Variants in RBM6 observed in about 807,000 individuals in gnomAD.
RBM6 encodes RNA binding motif protein 6.
RBM6 carries 23 observed loss-of-function variants against 140.4 expected under a neutral mutation model. The ratio of observed to expected loss-of-function variants is 0.16; its 90% CI spans 0.12 to 0.23. The LOEUF (loss-of-function observed/expected upper bound fraction) is 0.23. RBM6 is among the 10% of genes least tolerant of loss of function. RBM6 has a pLI of 1.00. For synonymous variants in RBM6, 439 were observed against 475.6 expected (o/e 0.92, Z 1.00); for missense variants, 1,139 against 1,386.7 (o/e 0.82, Z 2.84).
chr3:49,981,079 T>A (rs1215464482), intron 5 of RBM6, among the ~76,000 whole-genome samples: 1 of 151,720 alleles, frequency 6.6e-6, no homozygotes, highest in Non-Finnish European at 1.5e-5. Flanking sequence ...ATTTTTTGTA[T>A]TTTTTAGTAG....
chr3:50,001,856 G>A (rs1466667920), intron 6 of RBM6, among the ~76,000 whole-genome samples: 1 of 152,200 alleles, frequency 6.6e-6, no homozygotes, highest in East Asian at 1.9e-4. Flanking sequence ...TGATAGCTGA[G>A]TGCTATAAAG....
chr3:50,051,571 G>A (rs994602839), intron 7 of RBM6, among the ~76,000 whole-genome samples: 1 of 152,234 alleles, frequency 6.6e-6, no homozygotes, highest in Non-Finnish European at 1.5e-5. Flanking sequence ...AACCTGGGAG[G>A]CAGAGGTTGC....
At chr3:50,069,106 A>G (rs1331126089) in intron 18 of RBM6, among the ~76,000 whole-genome samples, 1 of 152,196 alleles carries the variant, frequency 6.6e-6, no homozygotes, top group African/African-American at 2.4e-5. Context: ...ATTAAAGGCT[A>G]AGCTGGAGGA....
chr3:49,974,007 C>A lies in RBM6; in HGVS notation c.1414-1316C>A, dbSNP rs564258783. ...CCGCCTCTCGGGTTCAAATGGTTCT[C>A]CTGCCTCAGCCTCCTGAGTAGCTGG... is the stretch of plus-strand genomic sequence containing the variant. On this transcript the variant is annotated intron_variant, in intron 4 of 20. Coordinates refer to ENST00000266022, the MANE Select transcript of RBM6 (RefSeq NM_005777.3). 9.9e-5 allele frequency among the ~76,000 whole-genome samples: 15 copies of A among 152,146 alleles called. No homozygotes were observed. In the East Asian group the frequency reaches 1.7e-3, roughly 18 times the overall value.
At chr3:50,017,153 G>A (rs2087208124) in intron 6 of RBM6, among the ~76,000 whole-genome samples, 1 of 151,980 alleles carries the variant, frequency 6.6e-6, no homozygotes, top group African/African-American at 2.4e-5. Context: ...GTAATTCTCT[G>A]ATAATTATTG....
intron 6 of RBM6, among the ~76,000 whole-genome samples, chr3:50,040,368 C>T (rs2088812581): frequency 6.8e-6 from 1 of 147,464 alleles, no homozygotes. Context: ...ATTGCATGAA[C>T]CCGGGAGGCA....
chr3:49,957,390 C>A (rs577486608), intron 1 of RBM6, among the ~76,000 whole-genome samples: 73 of 151,768 alleles, frequency 4.8e-4, no homozygotes, highest in South Asian at 6.3e-4. Context: ...AAGGAATCCT[C>A]CTGCCTCAGC....
At chr3:50,060,101 G>T (rs949929427) in intron 11 of RBM6, among the ~76,000 whole-genome samples, 2 of 152,072 alleles carry the variant, frequency 1.3e-5, no homozygotes, top group African/African-American at 2.4e-5. Context: ...AGTGTGCAAT[G>T]AAGATGCCTG....
At chr3:49,947,081 CAAA>C (rs1186088231) in intron 1 of RBM6, among the ~76,000 whole-genome samples, 27,225 of 105,924 alleles carry the variant, frequency 0.26, 2,782 homozygotes, top group Middle Eastern at 0.34. Context: ...ACTAAAAATA[CAAA>C]AAAAAAAAAA....
chr3:50,036,584 A>G (rs778408790), intron 6 of RBM6, among the ~76,000 whole-genome samples: 10 of 152,206 alleles, frequency 6.6e-5, no homozygotes, highest in Non-Finnish European at 1.2e-4. Context: ...ATTATAGCTC[A>G]GTAAATGCTG....
At chr3:50,016,833 T>G (rs1054521319) in intron 6 of RBM6, among the ~76,000 whole-genome samples, 11 of 150,644 alleles carry the variant, frequency 7.3e-5, no homozygotes, top group Admixed American at 5.3e-4. Flanking sequence ...CGTTTTTTTT[T>G]TTTTTTTTTT....
At chr3:50,058,790 C>T (rs2089820284) in intron 10 of RBM6, 2 of 307,872 alleles carry the variant, frequency 6.5e-6, no homozygotes, top group African/African-American at 2.1e-5. Flanking sequence ...GTGGCAGGCG[C>T]CTGTAGTCGC....
At chr3:50,047,262 A>G (rs1346829107) in intron 6 of RBM6, 8 of 984,382 alleles carry the variant, frequency 8.1e-6, no homozygotes, top group Non-Finnish European at 9.6e-6. Context: ...CTGAGGAAAC[A>G]CAGAGGACCC....
At chr3:50,014,200 A>G (rs2086998702) in intron 6 of RBM6, among the ~76,000 whole-genome samples, 1 of 152,146 alleles carries the variant, frequency 6.6e-6, no homozygotes, top group Non-Finnish European at 1.5e-5. Flanking sequence ...GGGTTTGGGA[A>G]TATAGTGGGA....
chr3:50,025,408 G>A (rs541420663), intron 6 of RBM6, among the ~76,000 whole-genome samples: 2 of 151,476 alleles, frequency 1.3e-5, no homozygotes, highest in Non-Finnish European at 2.9e-5. Flanking sequence ...GGGTGACAGA[G>A]CGAGACTCTA....
At position 50,036,251 on chromosome 3, in the gene RBM6, C is replaced by G. The variant is rs1348380734; in HGVS notation, c.1558-11994C>G. 2.0e-5 allele frequency among the ~76,000 whole-genome samples: 3 copies of G among 152,264 alleles called. No homozygotes were observed. The East Asian group carries it at 5.8e-4, about 29-fold the overall frequency. On this transcript the variant is annotated intron_variant, in intron 6 of 20. Coordinates refer to ENST00000266022, the MANE Select transcript of RBM6 (RefSeq NM_005777.3). ...ATAGCCTACAAACTACAAGAGATGC[C>G]TTTTAATAAACTGGATGGTATGTCT... is the stretch of plus-strand genomic sequence containing the variant.
At chr3:49,955,737 G>T (rs1020062263) in intron 1 of RBM6, among the ~76,000 whole-genome samples, 1 of 151,778 alleles carries the variant, frequency 6.6e-6, no homozygotes, top group Non-Finnish European at 1.5e-5. Flanking sequence ...CAGCTTCTTG[G>T]GAGGCTGAGA....
At chr3:50,047,187 A>G (rs1030491423) in intron 6 of RBM6, 7 of 984,926 alleles carry the variant, frequency 7.1e-6, no homozygotes, top group African/African-American at 7.0e-5. Context: ...TGACAGATGT[A>G]TGGATTCAAG....
intron 17 of RBM6, among the ~76,000 whole-genome samples, chr3:50,067,055 C>T (rs1278171740): frequency 1.3e-5 from 2 of 149,418 alleles, no homozygotes; most frequent in South Asian, 2.1e-4. Context: ...GATGTGGTGG[C>T]GCATGCCTGT....
Sources: gnomAD v4.1 joint callset for allele counts (sites outside exome capture counted in the v4.1 genomes callset) on GRCh38, gnomAD v4.1.1 for gene constraint, MANE v1.5 for transcripts, NCBI Gene and HGNC (gene_info 2026-07-23, HGNC 2026-07-21) for gene names.